The following KIF26B variants were observed in gnomAD, a reference collection of about 807,000 sequenced individuals.
KIF26B encodes kinesin family member 26B.
In KIF26B, 63 loss-of-function variants were observed where a neutral mutation model predicts 151.2. The observed-to-expected ratio is 0.42, with a 90% CI of 0.34 to 0.51. The LOEUF is 0.51. Among genes scored for constraint, KIF26B ranks in the 20% least tolerant of loss-of-function variants. KIF26B has a pLI of 0.07. For missense variants in KIF26B, 2,813 were observed against 2,913.6 expected, an observed-to-expected ratio of 0.97 and a Z score of 0.79; for synonymous variants, 1,357 against 1,262.1, an observed-to-expected ratio of 1.08 and a Z score of -1.59.
At chr1:245,402,600 CAG>C (rs1180549100) in intron 3 of KIF26B, among the ~76,000 whole-genome samples, 1 of 152,154 alleles carries the variant, frequency 6.6e-6, no homozygotes, top group Non-Finnish European at 1.5e-5. Context: ...ATTCAGGAGA[CAG>C]AGTTTGACGT....
intron 2 of KIF26B, among the ~76,000 whole-genome samples, chr1:245,328,373 T>C (rs1026601448): frequency 1.3e-5 from 2 of 152,226 alleles, no homozygotes; most frequent in South Asian, 2.1e-4. Context: ...ATCTCTAATA[T>C]AGGCCAAGAT....
Position 245,156,583 on chromosome 1 carries a change from G to T in KIF26B, c.365G>T (p.Gly122Val). 6.5e-7 allele frequency: 1 copy of T among 1,528,180 alleles called. No homozygotes were observed. The highest frequency in any genetic ancestry group is 8.7e-7 in the Non-Finnish European group (1 of 1,144,086). 94.7% of individuals were successfully genotyped at this position (1,528,180 alleles called of 1,614,324 possible). A position where few individuals can be genotyped will look rare whatever the true frequency, so the allele number is the denominator to read the frequency against. Residue 122 changes from glycine to valine, a missense_variant, in exon 2 of 15, where the codon GGC (glycine) becomes GTC (valine). Physicochemically the swap from Gly to Val is moderately radical, Grantham distance 109 (BLOSUM62 -3). This residue lies in a region of KIF26B where 676 missense variants were observed against 688.1 expected (regional missense o/e 0.98). Transcript: ENST00000407071. Reference sequence around the variant, plus strand: ...GGCAGCGGCGGCGGCTCCTCCCCCGGCTCGGACCGCGGCGTCTGGTGCGAG... The same window carrying T: ...GGCAGCGGCGGCGGCTCCTCCCCCGTCTCGGACCGCGGCGTCTGGTGCGAG... ...GSGSGGGSSP[G>V]SDRGVWCENC...
chr1:245,545,485 A>C (rs1426892069), intron 5 of KIF26B, among the ~76,000 whole-genome samples: 1 of 152,198 alleles, frequency 6.6e-6, no homozygotes, highest in Non-Finnish European at 1.5e-5. Flanking sequence ...TGGACAAGGC[A>C]GAGCACCTGT....
chr1:245,612,793 A>C (rs558062037), intron 9 of KIF26B, among the ~76,000 whole-genome samples: 1 of 152,278 alleles, frequency 6.6e-6, no homozygotes, highest in South Asian at 2.1e-4. Flanking sequence ...TCGTCAGTGA[A>C]GGTTTACTGT....
chr1:245,168,959 C>G (rs1668659707), intron 2 of KIF26B, among the ~76,000 whole-genome samples: 1 of 152,160 alleles, frequency 6.6e-6, no homozygotes, highest in Non-Finnish European at 1.5e-5. Context: ...GTTTCCCTGA[C>G]TCTTATTTCA....
intron 4 of KIF26B, among the ~76,000 whole-genome samples, chr1:245,442,331 A>C (rs1349556963): frequency 5.9e-5 from 9 of 152,148 alleles, no homozygotes; most frequent in Admixed American, 5.9e-4. Context: ...GTGTTCAGGC[A>C]CATGTGTGTT....
chr1:245,289,161 A>G (rs1181950370), intron 2 of KIF26B, among the ~76,000 whole-genome samples: 3 of 152,192 alleles, frequency 2.0e-5, no homozygotes, highest in Non-Finnish European at 4.4e-5. Flanking sequence ...TGGAATCTTC[A>G]CCAGAGCTGA....
chr1:245,529,637 C>T (rs1025651776), intron 4 of KIF26B, among the ~76,000 whole-genome samples: 1 of 152,174 alleles, frequency 6.6e-6, no homozygotes, highest in Non-Finnish European at 1.5e-5. Flanking sequence ...CTTGGCTCAG[C>T]AAACATTCGT....
At chr1:245,652,729 C>T (rs1423631616) in intron 10 of KIF26B, among the ~76,000 whole-genome samples, 1 of 152,172 alleles carries the variant, frequency 6.6e-6, no homozygotes, top group Admixed American at 6.5e-5. Flanking sequence ...AACTCTACAC[C>T]TCGTCCTTTT....
intron 2 of KIF26B, among the ~76,000 whole-genome samples, chr1:245,248,693 C>T (rs564449308): frequency 1.1e-4 from 17 of 152,294 alleles, no homozygotes; most frequent in Admixed American, 5.9e-4. Context: ...TAAGCGAACA[C>T]GTGATTATCC....
chr1:245,626,419 T>C (rs989560194), intron 9 of KIF26B, among the ~76,000 whole-genome samples: 6 of 151,892 alleles, frequency 4.0e-5, no homozygotes, highest in Admixed American at 6.6e-5. Flanking sequence ...TTTTCTGTCT[T>C]TCTAATAATA....
At chr1:245,697,322 T>C (rs567636812) in intron 12 of KIF26B, among the ~76,000 whole-genome samples, 12 of 152,320 alleles carry the variant, frequency 7.9e-5, no homozygotes, top group African/African-American at 2.4e-4. Context: ...ACCCAGGGTC[T>C]CTTCTGCTGT....
chr1:245,288,957 C>T (rs1276409416), intron 2 of KIF26B, among the ~76,000 whole-genome samples: 1 of 152,006 alleles, frequency 6.6e-6, no homozygotes, highest in East Asian at 1.9e-4. Flanking sequence ...AATAACCTTC[C>T]ATGCCTATGA....
At chr1:245,307,168 G>C (rs1671570879) in intron 2 of KIF26B, among the ~76,000 whole-genome samples, 1 of 152,106 alleles carries the variant, frequency 6.6e-6, no homozygotes, top group Admixed American at 6.5e-5. Flanking sequence ...ATCTACATTA[G>C]TTTGTCAGAT....
chr1:245,330,057 A>G (rs923299048), intron 2 of KIF26B, among the ~76,000 whole-genome samples: 2 of 152,010 alleles, frequency 1.3e-5, no homozygotes, highest in Admixed American at 1.3e-4. Context: ...TCTGAAGTGC[A>G]AAGATTACAG....
intron 4 of KIF26B, among the ~76,000 whole-genome samples, chr1:245,519,459 C>T (rs1226935445): frequency 6.6e-6 from 1 of 151,248 alleles, no homozygotes. Context: ...GAGGCTGAGG[C>T]AAGAGAATTG....
intron 4 of KIF26B, among the ~76,000 whole-genome samples, chr1:245,456,968 C>T (rs1477807535): frequency 1.3e-5 from 2 of 152,182 alleles, no homozygotes; most frequent in East Asian, 1.9e-4. Context: ...TGGGTTCAAG[C>T]GATTCTCCTG....
intron 6 of KIF26B, among the ~76,000 whole-genome samples, chr1:245,604,672 G>GA (rs2043431121): frequency 6.6e-6 from 1 of 152,028 alleles, no homozygotes; most frequent in African/African-American, 2.4e-5. Context: ...ATTTATTCCA[G>GA]AAAAAGGGTC....
intron 4 of KIF26B, among the ~76,000 whole-genome samples, chr1:245,505,271 A>G (rs1222000984): frequency 6.6e-6 from 1 of 151,272 alleles, no homozygotes; most frequent in Non-Finnish European, 1.5e-5. Flanking sequence ...TATAATAGGT[A>G]TACACAGGGC....
Sources: gnomAD v4.1 joint callset for allele counts (sites outside exome capture counted in the v4.1 genomes callset) on GRCh38, gnomAD v4.1.1 for gene constraint, gnomAD v4.1.1 regional missense constraint, MANE v1.5 for transcripts, NCBI Gene and HGNC (gene_info 2026-07-23, HGNC 2026-07-21) for gene names.